Variants in SLC6A19 observed in about 807,000 individuals in gnomAD.
The protein encoded by SLC6A19 is solute carrier family 6 member 19.
In SLC6A19, 67 loss-of-function variants were observed where a neutral mutation model predicts 68.3. That is an observed-to-expected ratio of 0.98 (90% CI 0.81 to 1.20). The LOEUF (loss-of-function observed/expected upper bound fraction) is 1.20, where lower values mean the gene tolerates loss of function less well. SLC6A19 is among the 50% of genes most tolerant of loss of function. SLC6A19 has a pLI of 0.00. For missense variants in SLC6A19, 813 were observed against 851.6 expected, an observed-to-expected ratio of 0.95 and a Z score of 0.56; for synonymous variants, 392 against 374.9, an observed-to-expected ratio of 1.05 and a Z score of -0.53.
chr5:1,217,615 G>A (rs1197071557), intron 8 of SLC6A19, among the ~76,000 whole-genome samples: 2 of 152,234 alleles, frequency 1.3e-5, no homozygotes. Context: ...CTGGAGCCAG[G>A]CAGAGGGCTC....
At chr5:1,201,965 G>A (rs985254151) in intron 1 of SLC6A19, 113 bp downstream of exon 1, 34 of 1,374,388 alleles carry the variant, frequency 2.5e-5, no homozygotes, top group African/African-American at 7.2e-5. Context: ...AGCACGGAGG[G>A]GAGAGGAGAA....
chr5:1,222,463 A>T lies in SLC6A19; in HGVS notation c.*559A>T, dbSNP rs56839653. 6,496 of 436,064 alleles carry T rather than the reference A, an allele frequency of 0.015. 366 individuals are homozygous for T. Among genetic ancestry groups the T allele is most frequent in the African/African-American group, 0.12 (5,902 of 50,620 alleles). The allele number at this position is 436,064 out of a possible 1,614,324, so 27.0% of individuals were successfully genotyped here. A position where few individuals can be genotyped will look rare whatever the true frequency, so the allele number is the denominator to read the frequency against. On this transcript the variant is annotated 3_prime_UTR_variant, in exon 12 of 12. Transcript: ENST00000304460. ...TGTGTGTTCTGTGTGTGCGTTTGCA[A>T]GTATATATGCACATGTGTATATGTA...
At chr5:1,218,766 A>G in intron 8 of SLC6A19, 137 bp from the exon 9 acceptor site, 1 of 805,224 alleles carries the variant, frequency 1.2e-6, no homozygotes, top group East Asian at 2.6e-5. Flanking sequence ...CCTAAAAGAC[A>G]AGATCTAGCT....
At chr5:1,207,655 C>G (rs2126496120) in intron 1 of SLC6A19, among the ~76,000 whole-genome samples, 1 of 152,328 alleles carries the variant, frequency 6.6e-6, no homozygotes, top group East Asian at 1.9e-4. Context: ...TCAGCACATC[C>G]CTATCTTCTA....
rs566082203 is a variant in SLC6A19 at position 1,218,660 on chromosome 5, C to T, written c.1174-243C>T. On this transcript the variant is annotated intron_variant, in intron 8 of 11. Transcript: ENST00000304460. The stretch of plus-strand genomic sequence containing the variant: ...AGAAGCTCCCTGTGTTGGGAGAGCC[C>T]GTCTGTGGGCGGAACGGGGCTCTGA... Among the ~76,000 whole-genome samples the T allele has an allele frequency of 5.9e-5, 9 of 152,306 alleles. No homozygotes were observed. The South Asian group carries it at 8.3e-4, about 14-fold the overall frequency.
rs766364196 is a variant in SLC6A19 at position 1,212,122 on chromosome 5, G to A, written c.482-181G>A. The stretch of plus-strand genomic sequence containing the variant: ...GAGGGTGTAGCTGTGCATGTGTGCT[G>A]TGTGCGTGCATGCATGTGCGTGCAC... On this transcript the variant is annotated intron_variant, in intron 3 of 11. Coordinates refer to ENST00000304460, the MANE Select transcript of SLC6A19 (RefSeq NM_001003841.3). The surrounding 1 kb of genome is among the most constrained non-coding windows in gnomAD (Gnocchi z 5.1). Among the ~76,000 whole-genome samples the A allele has an allele frequency of 6.6e-6, 1 of 151,656 alleles. No individual in the cohort carries two copies. The highest frequency in any genetic ancestry group is 1.5e-5 in the Non-Finnish European group (1 of 67,902).
Position 1,219,635 on chromosome 5 carries a change from C to T in SLC6A19, c.1509C>T (p.Phe503=), listed in dbSNP as rs1208821614. 2.5e-6 allele frequency: 4 copies of T among 1,607,746 alleles called. No individual in the cohort carries two copies. The highest frequency in any genetic ancestry group is 3.4e-6 in the Non-Finnish European group (4 of 1,180,022). Residue 503 remains phenylalanine (F), a synonymous_variant, in exon 10 of 12, where the codon TTC becomes TTT. Coordinates refer to ENST00000304460, the MANE Select transcript of SLC6A19 (RefSeq NM_001003841.3). ...TCATCATCGCCTTCTGCGAGATGTT[C>T]TCTGTGGTCTACGTGTACGGTGTGG... The part of the protein sequence containing the change: ...PLLIIAFCEM[F]SVVYVYGVDR...
rs1204724410 is a variant in SLC6A19, at chr5:1,221,556, G to A, written c.1702-145G>A. ...GGTGGGCTGGGAGTTGGGAGGTAGG[G>A]GAAAGGGGAAGCTGGAGGAGCCCCA... On this transcript the variant is annotated intron_variant, in intron 11 of 11. Transcript: ENST00000304460. 16 of 1,131,904 alleles carry A rather than the reference G, an allele frequency of 1.4e-5. No homozygotes were observed. The South Asian group carries it at 1.5e-4, about 10-fold the overall frequency. The allele number at this position is 1,131,904 out of a possible 1,614,324, so 70.1% of individuals were successfully genotyped here.
At chr5:1,218,020 A>T (rs7446286) in intron 8 of SLC6A19, among the ~76,000 whole-genome samples, 14 of 23,674 alleles carry the variant, frequency 5.9e-4, no homozygotes, top group Non-Finnish European at 1.4e-3. Context: ...TCCTCCCGCC[A>T]CCTCCCACCA....
In SLC6A19 at chr5:1,210,599, G is replaced by T. The variant is rs368957196; in HGVS notation, c.481+18G>T. ...CCAGACAGGTGAGTCCTTGCAAGCA[G>T]CCCCATCCGTCTCACCTGTGAGGCT... On this transcript the variant is annotated intron_variant, in intron 3 of 11. Coordinates refer to ENST00000304460, the MANE Select transcript of SLC6A19 (RefSeq NM_001003841.3). 2 of 1,611,356 alleles carry T rather than the reference G, an allele frequency of 1.2e-6. No individual in the cohort carries two copies. The highest frequency in any genetic ancestry group is 2.7e-5 in the African/African-American group (2 of 74,936).
rs200383926 is a variant in SLC6A19, at chr5:1,216,766, G to A, written c.1017-23G>A. On this transcript the variant is annotated intron_variant, in intron 7 of 11. Transcript: ENST00000304460. ...CCAGCCTCCCTGGCCCCAGGTGGCCGTCAGCCTCAATCTGACCCGCAGGAA... is the reference window on the plus strand; with the variant it reads ...CCAGCCTCCCTGGCCCCAGGTGGCCATCAGCCTCAATCTGACCCGCAGGAA... 117 of 1,613,684 alleles carry A rather than the reference G, an allele frequency of 7.3e-5. No homozygotes were observed. In the East Asian group the frequency reaches 1.1e-3, roughly 15 times the overall value.
chr5:1,206,403 T>C (rs1745854548), intron 1 of SLC6A19, among the ~76,000 whole-genome samples: 1 of 79,372 alleles, frequency 1.3e-5, no homozygotes, highest in Admixed American at 1.1e-4. Flanking sequence ...TCCCTCTCTG[T>C]CTCTGTCTCT....
Position 1,222,100 on chromosome 5 carries a change from T to C in SLC6A19, c.*196T>C. ...TGTGCATGTACATGCATGGGCACTG[T>C]GTGAGTGTGCACGTGTATGCACACA... is the stretch of plus-strand genomic sequence containing the variant. On this transcript the variant is annotated 3_prime_UTR_variant, in exon 12 of 12. Transcript: ENST00000304460. The C allele has an allele frequency of 1.7e-6, 1 of 588,092 alleles. No individual in the cohort carries two copies. The allele number at this position is 588,092 out of a possible 1,614,324, so 36.4% of individuals were successfully genotyped here.
At position 1,209,385 on chromosome 5, in the gene SLC6A19, G is replaced by T. The variant is rs1745955715; in HGVS notation, c.343+499G>T. On this transcript the variant is annotated intron_variant, in intron 2 of 11. Coordinates refer to ENST00000304460, the MANE Select transcript of SLC6A19 (RefSeq NM_001003841.3). This position sits in a 1 kb window ranked among gnomAD's most constrained non-coding sequence, Gnocchi z 5.5. ...AGCCCTCAGAATATGGGCAGACGGT[G>T]AAAGACGGAGGAGGAAAGGGCAGGG... Among the ~76,000 whole-genome samples the T allele has an allele frequency of 6.6e-6, 1 of 152,176 alleles. No individual in the cohort carries two copies. The highest frequency in any genetic ancestry group is 1.5e-5 in the Non-Finnish European group (1 of 68,014).
rs1184665706 is a variant in SLC6A19, at chr5:1,215,741, G to T, written c.888-817G>T. ...TGGACGCATGCTTTCGTTCTTCTGG[G>T]TGTGCGCCTAGGAGTGGAGTTGCTG... On this transcript the variant is annotated intron_variant, in intron 6 of 11. Coordinates refer to ENST00000304460, the MANE Select transcript of SLC6A19 (RefSeq NM_001003841.3). The surrounding 1 kb of genome is among the most constrained non-coding windows in gnomAD (Gnocchi z 5.1). 6.6e-6 allele frequency among the ~76,000 whole-genome samples: 1 copy of T among 152,204 alleles called. No homozygotes were observed.
In SLC6A19 at chr5:1,220,475, C is replaced by T. The variant is rs529224712; in HGVS notation, c.1539-676C>T. Among the ~76,000 whole-genome samples the T allele has an allele frequency of 4.6e-5, 7 of 151,628 alleles. No homozygotes were observed. The Middle Eastern group carries it at 0.014, about 299-fold the overall frequency. On this transcript the variant is annotated intron_variant, in intron 10 of 11. Transcript: ENST00000304460. Reference sequence around the variant, plus strand: ...ACAGACTCAGTTAACATTGAGCAGGCACAGCCCTGCAGGCTCCCGGCTTGG... The same window carrying T: ...ACAGACTCAGTTAACATTGAGCAGGTACAGCCCTGCAGGCTCCCGGCTTGG...
rs368717504 is a variant in SLC6A19, at chr5:1,214,090, A to G, written c.887+25A>G. 324 of 1,613,478 alleles carry G rather than the reference A, an allele frequency of 2.0e-4. No individual in the cohort carries two copies. Among genetic ancestry groups the G allele is most frequent in the Non-Finnish European group, 2.6e-4 (305 of 1,179,966 alleles). On this transcript the variant is annotated intron_variant, in intron 6 of 11. Transcript: ENST00000304460. The surrounding 1 kb of genome is among the most constrained non-coding windows in gnomAD (Gnocchi z 7.4). ...AGTGAGTGCGGGTGTGGTGGGCCTC[A>G]GTTTCCCTCTCAGTCCTGGGGGGAT...
rs2126500587 is a variant in SLC6A19, at chr5:1,211,042, G to A, written c.481+461G>A. 2.0e-5 allele frequency among the ~76,000 whole-genome samples: 3 copies of A among 152,338 alleles called. No homozygotes were observed. The South Asian group carries it at 6.2e-4, about 32-fold the overall frequency. On this transcript the variant is annotated intron_variant, in intron 3 of 11. Coordinates refer to ENST00000304460, the MANE Select transcript of SLC6A19 (RefSeq NM_001003841.3). Reference sequence around the variant, plus strand: ...CTTGCCCAGGGAGGGAGCGTAGGGGGCAGACCCTCTACGTGTGACATGCAA... The same window carrying A: ...CTTGCCCAGGGAGGGAGCGTAGGGGACAGACCCTCTACGTGTGACATGCAA...
Position 1,208,904 on chromosome 5 carries a change from G to C in SLC6A19, c.343+18G>C, listed in dbSNP as rs1554034256. On this transcript the variant is annotated intron_variant, in intron 2 of 11. Transcript: ENST00000304460. ...GGGCCTAGGTGAGTGCCTCGGAGCA[G>C]TTCCACCCGGGCCCAGGGGTCGCCT... is the stretch of plus-strand genomic sequence containing the variant. The C allele has an allele frequency of 6.2e-7, 1 of 1,601,414 alleles. No homozygotes were observed. Among genetic ancestry groups the C allele is most frequent in the African/African-American group, 1.3e-5 (1 of 74,762 alleles).
Sources: gnomAD v4.1 joint callset for allele counts (sites outside exome capture counted in the v4.1 genomes callset) on GRCh38, gnomAD v4.1.1 for gene constraint, Gnocchi (gnomAD v3.1) non-coding constraint, MANE v1.5 for transcripts, NCBI Gene and HGNC (gene_info 2026-07-23, HGNC 2026-07-21) for gene names.